The following ZNF678 variants were observed in gnomAD, a reference collection of about 807,000 sequenced individuals.
ZNF678 encodes hypothetical protein MGC42493.
In ZNF678, 5 loss-of-function variants were observed where a neutral mutation model predicts 3.0. The observed-to-expected ratio is 1.69, with a 90% CI of 0.88 to 3.56. The LOEUF is 3.56. ZNF678 is among the 30% of genes most tolerant of loss of function. The pLI is 0.00. For synonymous variants in ZNF678, 218 were observed against 199.6 expected, an observed-to-expected ratio of 1.09 and a Z score of -0.78; for missense variants, 593 against 605.0, an observed-to-expected ratio of 0.98 and a Z score of 0.21.
chr1:227,564,268 G>C (rs1041999088), intron 1 of ZNF678, among the ~76,000 whole-genome samples: 5 of 152,214 alleles, frequency 3.3e-5, no homozygotes, highest in African/African-American at 4.8e-5. Flanking sequence ...GACTGTCCAG[G>C]TGGAAATTTC....
intron 1 of ZNF678, among the ~76,000 whole-genome samples, chr1:227,626,215 C>T (rs1031809061): frequency 2.0e-4 from 31 of 152,110 alleles, no homozygotes; most frequent in African/African-American, 7.2e-4. Flanking sequence ...TCACGGTTGT[C>T]GCTTAAAGAG....
In ZNF678 at chr1:227,564,471, T is replaced by C. The variant is rs1199513895; in HGVS notation, c.-164+747T>C. Among the ~76,000 whole-genome samples, 4 of 152,362 alleles carry C rather than the reference T, an allele frequency of 2.6e-5. No homozygotes were observed. The South Asian group carries it at 6.2e-4, about 24-fold the overall frequency. On this transcript the variant is annotated intron_variant, in intron 1 of 3. Transcript: ENST00000343776. ...TTTTAACACTGCACAAGAGACTGCT[T>C]TTCCCCTGCATTTTCCAAATAACAT...
chr1:227,653,775 G>A (rs796389595), intron 3 of ZNF678, among the ~76,000 whole-genome samples: 1 of 152,060 alleles, frequency 6.6e-6, no homozygotes, highest in African/African-American at 2.4e-5. Flanking sequence ...CCTGATGTCT[G>A]TCTGTGGCAC....
At chr1:227,672,891 T>C (rs75080386) in intron 5 of ZNF678, among the ~76,000 whole-genome samples, 2,062 of 152,296 alleles carry the variant, frequency 0.014, 53 homozygotes, top group African/African-American at 0.047. Context: ...ACCTAGAGGA[T>C]GAAAACTCAT....
intron 1 of ZNF678, among the ~76,000 whole-genome samples, chr1:227,603,273 T>G (rs1310685712): frequency 6.6e-6 from 1 of 152,148 alleles, no homozygotes; most frequent in Non-Finnish European, 1.5e-5. Context: ...AGGAATCAGG[T>G]ACAATCCCTG....
intron 5 of ZNF678, among the ~76,000 whole-genome samples, chr1:227,670,314 G>A (rs1209939831): frequency 1.3e-5 from 2 of 152,208 alleles, no homozygotes; most frequent in Non-Finnish European, 2.9e-5. Flanking sequence ...TACACCACAA[G>A]TATATATAAT....
chr1:227,655,106 A>AT lies in ZNF678; in HGVS notation c.858dup (p.His287SerfsTer10). The AT allele has an allele frequency of 4.3e-6, 7 of 1,613,202 alleles. No individual in the cohort carries two copies. The highest frequency in any genetic ancestry group is 5.9e-6 in the Non-Finnish European group (7 of 1,179,616). Reference sequence around the variant, plus strand: ...CTCACACCTAACTAGACATAGGAGAATTCATACTGGAGAGAAACCCTACAA... The same window carrying AT: ...CTCACACCTAACTAGACATAGGAGAATTTCATACTGGAGAGAAACCCTACAA... On this transcript the variant is annotated frameshift_variant, in exon 4 of 4. Coordinates refer to ENST00000343776, the MANE Select transcript of ZNF678 (RefSeq NM_001367909.1). LOFTEE classifies it low-confidence loss of function (END_TRUNC).
At chr1:227,670,526 T>C (rs1305624037) in intron 5 of ZNF678, among the ~76,000 whole-genome samples, 1 of 152,214 alleles carries the variant, frequency 6.6e-6, no homozygotes, top group Non-Finnish European at 1.5e-5. Context: ...AATGTCTGCC[T>C]GGCTGAGGGC....
chr1:227,678,329 C>G (rs1019040351), downstream of ZNF678, among the ~76,000 whole-genome samples: 15 of 152,128 alleles, frequency 9.9e-5, no homozygotes, highest in African/African-American at 3.4e-4. Flanking sequence ...GGTTCTATAC[C>G]AGGACAAGGA....
chr1:227,651,216 C>A, intron 3 of ZNF678, 140 bp downstream of exon 3: 1 of 877,744 alleles, frequency 1.1e-6, no homozygotes, highest in Non-Finnish European at 1.7e-6. Flanking sequence ...TTACCAGGGG[C>A]TTGTGTGCTT....
intron 5 of ZNF678, among the ~76,000 whole-genome samples, chr1:227,673,922 C>A (rs1447926449): frequency 6.6e-6 from 1 of 152,174 alleles, no homozygotes; most frequent in African/African-American, 2.4e-5. Context: ...ATTAAACTTA[C>A]ATTTTTAAAA....
downstream of ZNF678, among the ~76,000 whole-genome samples, chr1:227,665,491 A>G (rs547917206): frequency 6.6e-6 from 1 of 152,338 alleles, no homozygotes; most frequent in African/African-American, 2.4e-5. Context: ...AGCGTCTGGC[A>G]TAATTGGGCT....
intron 1 of ZNF678, among the ~76,000 whole-genome samples, chr1:227,572,037 G>A (rs542032240): frequency 2.5e-4 from 38 of 152,292 alleles, no homozygotes; most frequent in African/African-American, 2.4e-4. Context: ...GCGAGACTCC[G>A]TCTCAAAAAC....
At chr1:227,613,526 T>C (rs1031140100) in intron 1 of ZNF678, among the ~76,000 whole-genome samples, 1 of 152,202 alleles carries the variant, frequency 6.6e-6, no homozygotes, top group Non-Finnish European at 1.5e-5. Context: ...CATTGCTGCC[T>C]CACTAGGTCT....
At chr1:227,583,778 T>C (rs1657192856) in intron 1 of ZNF678, among the ~76,000 whole-genome samples, 1 of 152,122 alleles carries the variant, frequency 6.6e-6, no homozygotes, top group Non-Finnish European at 1.5e-5. Flanking sequence ...TTTTGCCAAG[T>C]AGAGAAACCA....
Position 227,605,433 on chromosome 1 carries a change from G to A in ZNF678, c.-163-41111G>A, listed in dbSNP as rs568682371. Among the ~76,000 whole-genome samples, 5 of 152,122 alleles carry A rather than the reference G, an allele frequency of 3.3e-5. No homozygotes were observed. In the South Asian group the frequency reaches 8.3e-4, roughly 25 times the overall value. On this transcript the variant is annotated intron_variant, in intron 1 of 3. Transcript: ENST00000343776. ...GTAGAGTCACTTTCTTTATCTTTTC[G>A]TATATGACTTTTAAAGCAAAATTTT... is the stretch of plus-strand genomic sequence containing the variant.
chr1:227,654,995 T>C lies in ZNF678; in HGVS notation c.745T>C (p.Phe249Leu), dbSNP rs886405959. The C allele has an allele frequency of 5.0e-6, 8 of 1,611,390 alleles. No individual in the cohort carries two copies. The African/African-American group carries it at 1.1e-4, about 22-fold the overall frequency. ...CKECCKAFNK[F>L]SNLTQHKRIH... ...AGAATGTTGCAAAGCCTTTAACAAG[T>C]TCTCAAACCTTACTCAACATAAGAG... is the stretch of plus-strand genomic sequence containing the variant. The change falls in exon 4 of 4, where the codon TTC becomes CTC. Residue 249 changes from phenylalanine to leucine, a missense_variant. By Grantham distance (22) the Phe-to-Leu change is conservative. Coordinates refer to ENST00000343776, the MANE Select transcript of ZNF678 (RefSeq NM_001367909.1).
intron 1 of ZNF678, among the ~76,000 whole-genome samples, chr1:227,571,440 T>C (rs899608451): frequency 6.6e-6 from 1 of 152,250 alleles, no homozygotes; most frequent in Admixed American, 6.5e-5. Flanking sequence ...GACATCGGTT[T>C]ATTGTATTCT....
chr1:227,666,890 A>C (rs1308501240), downstream of ZNF678, among the ~76,000 whole-genome samples: 1 of 150,480 alleles, frequency 6.6e-6, no homozygotes, highest in African/African-American at 2.4e-5. Context: ...GATTACGGGC[A>C]TGCGCCACCA....
Sources: gnomAD v4.1 joint callset for allele counts (sites outside exome capture counted in the v4.1 genomes callset) on GRCh38, gnomAD v4.1.1 for gene constraint, MANE v1.5 for transcripts, NCBI Gene and HGNC (gene_info 2026-07-23, HGNC 2026-07-21) for gene names.